Variants in MACROD2 observed in about 807,000 individuals in gnomAD.
MACROD2 encodes the protein mono-ADP ribosylhydrolase 2, also known as ADP-ribose glycohydrolase MACROD2.
MACROD2 carries 36 observed loss-of-function variants against 70.4 expected under a neutral mutation model. The observed-to-expected ratio is 0.51, with a 90% CI of 0.39 to 0.68. The LOEUF is 0.68. Among genes scored for constraint, MACROD2 ranks in the 30% least tolerant of loss-of-function variants. MACROD2 has a pLI of 0.00. For synonymous variants in MACROD2, 172 were observed against 178.8 expected (o/e 0.96, Z 0.30); for missense variants, 496 against 538.4 (o/e 0.92, Z 0.78).
chr20:15,414,707 C>T (rs140106980), intron 6 of MACROD2, among the ~76,000 whole-genome samples: 6 of 152,246 alleles, frequency 3.9e-5, no homozygotes, highest in East Asian at 1.9e-4. Flanking sequence ...TATCCGTATA[C>T]GTGAAAATAA....
chr20:14,475,485 T>C (rs989778183), intron 3 of MACROD2, among the ~76,000 whole-genome samples: 1 of 152,150 alleles, frequency 6.6e-6, no homozygotes, highest in African/African-American at 2.4e-5. Flanking sequence ...TTCAGATAGT[T>C]TCACACAGTA....
At chr20:14,956,291 A>T (rs2074536233) in intron 5 of MACROD2, among the ~76,000 whole-genome samples, 1 of 152,082 alleles carries the variant, frequency 6.6e-6, no homozygotes, top group Non-Finnish European at 1.5e-5. Context: ...TCAATGACGA[A>T]TGCTTCTGAC....
intron 8 of MACROD2, among the ~76,000 whole-genome samples, chr20:15,668,787 T>C (rs1007975932): frequency 2.0e-5 from 3 of 152,202 alleles, no homozygotes; most frequent in African/African-American, 7.2e-5. Flanking sequence ...TACCCAAACC[T>C]GAAGCTTGTA....
chr20:15,216,447 C>CT (rs758360615), intron 5 of MACROD2, among the ~76,000 whole-genome samples: 1 of 152,018 alleles, frequency 6.6e-6, no homozygotes, highest in African/African-American at 2.4e-5. Flanking sequence ...AAACAGCTTA[C>CT]TTATGGAGGT....
chr20:15,192,067 ACTCT>A (rs754208219), intron 5 of MACROD2, among the ~76,000 whole-genome samples: 1 of 134,252 alleles, frequency 7.4e-6, no homozygotes, highest in African/African-American at 2.8e-5. Flanking sequence ...TCTATCTAAA[ACTCT>A]CTCTCTCTCC....
intron 3 of MACROD2, among the ~76,000 whole-genome samples, chr20:14,480,109 G>A (rs1365037685): frequency 6.6e-6 from 1 of 151,972 alleles, no homozygotes; most frequent in African/African-American, 2.4e-5. Context: ...GGAACTCCTG[G>A]GCTCAAGCAA....
intron 5 of MACROD2, among the ~76,000 whole-genome samples, chr20:15,099,426 T>A (rs933114755): frequency 2.0e-5 from 3 of 152,168 alleles, no homozygotes. Context: ...GGAGAGGCCA[T>A]GTGAGTTCAC....
chr20:15,956,302 GTTC>G (rs923337866), intron 12 of MACROD2, among the ~76,000 whole-genome samples: 5 of 152,172 alleles, frequency 3.3e-5, no homozygotes, highest in South Asian at 4.1e-4. Context: ...TTAGTTTGTT[GTTC>G]TTCTTCTTCT....
chr20:15,829,880 T>C (rs2064035851), intron 8 of MACROD2, among the ~76,000 whole-genome samples: 1 of 152,042 alleles, frequency 6.6e-6, no homozygotes, highest in Admixed American at 6.6e-5. Context: ...TAGAGGAGCA[T>C]GGTTAAAGCA....
At chr20:15,966,828 A>G (rs1403042503) in intron 12 of MACROD2, among the ~76,000 whole-genome samples, 3 of 152,206 alleles carry the variant, frequency 2.0e-5, no homozygotes, top group Non-Finnish European at 4.4e-5. Context: ...ATCCATTCAC[A>G]GGATCATTCC....
intron 8 of MACROD2, among the ~76,000 whole-genome samples, chr20:15,627,715 T>C (rs937752760): frequency 1.3e-5 from 2 of 152,186 alleles, no homozygotes; most frequent in African/African-American, 4.8e-5. Context: ...CAGTCTACAA[T>C]AGTGATGTTA....
intron 13 of MACROD2, chr20:15,985,957 C>G (rs1453537619): frequency 2.0e-5 from 3 of 152,200 alleles, no homozygotes; most frequent in Non-Finnish European, 2.9e-5. Context: ...TTTGAGCAAG[C>G]AGGGGGTACG....
In MACROD2 at chr20:14,200,597, A is replaced by G. The variant is rs73262992; in HGVS notation, c.271+114869A>G. Among the ~76,000 whole-genome samples, 258 of 152,296 alleles carry G rather than the reference A, an allele frequency of 1.7e-3. 1 individual carries two copies. Among genetic ancestry groups the G allele is most frequent in the African/African-American group, 5.9e-3 (244 of 41,536 alleles). ...GAGTATTTCCTTAGGATAGGTTCCT[A>G]GAAATAAAATTACTGAATCAAAGTT... On this transcript the variant is annotated intron_variant, in intron 3 of 17. Transcript: ENST00000684519.
At chr20:14,265,025 GTAGCC>G (rs2082132602) in intron 3 of MACROD2, among the ~76,000 whole-genome samples, 5 of 152,210 alleles carry the variant, frequency 3.3e-5, no homozygotes, top group Admixed American at 2.0e-4. Flanking sequence ...CCTGTGTTTA[GTAGCC>G]TTTGCTCAGT....
intron 3 of MACROD2, among the ~76,000 whole-genome samples, chr20:14,217,523 A>G (rs1050112665): frequency 6.6e-6 from 1 of 152,190 alleles, no homozygotes; most frequent in Non-Finnish European, 1.5e-5. Flanking sequence ...CTGGCTTAGT[A>G]GAATGAATTA....
At chr20:14,165,313 G>A (rs117463950) in intron 3 of MACROD2, among the ~76,000 whole-genome samples, 5 of 152,278 alleles carry the variant, frequency 3.3e-5, no homozygotes, top group Non-Finnish European at 5.9e-5. Flanking sequence ...CAGTGGGAAC[G>A]TGGACTGCTG....
chr20:14,789,210 A>G (rs1354403760), intron 5 of MACROD2, among the ~76,000 whole-genome samples: 1 of 151,996 alleles, frequency 6.6e-6, no homozygotes, highest in Non-Finnish European at 1.5e-5. Context: ...TTAAATAATT[A>G]TTCAACCAGA....
rs534787696 is a variant in MACROD2 at position 15,352,240 on chromosome 20, C to A, written c.541-79165C>A. Reference sequence around the variant, plus strand: ...AGGACTTGCAAGACCCATTATTTCTCCCTGTGTTTCCTTATCATAATTTTC... The same window carrying A: ...AGGACTTGCAAGACCCATTATTTCTACCTGTGTTTCCTTATCATAATTTTC... On this transcript the variant is annotated intron_variant, in intron 6 of 17. Coordinates refer to ENST00000684519, the MANE Select transcript of MACROD2 (RefSeq NM_001351661.2). Among the ~76,000 whole-genome samples the A allele has an allele frequency of 3.3e-5, 5 of 152,150 alleles. No homozygotes were observed. The East Asian group carries it at 5.8e-4, about 18-fold the overall frequency.
intron 3 of MACROD2, among the ~76,000 whole-genome samples, chr20:14,389,167 AC>A (rs1284379643): frequency 2.0e-5 from 3 of 151,954 alleles, no homozygotes; most frequent in Non-Finnish European, 4.4e-5. Context: ...GGCGTGAGCC[AC>A]CGCGGCTGGC....
Sources: allele counts gnomAD v4.1 joint callset (sites outside exome capture counted in the v4.1 genomes callset), GRCh38; gene constraint gnomAD v4.1.1; transcripts MANE v1.5; gene names NCBI Gene and HGNC (gene_info 2026-07-23, HGNC 2026-07-21).